Variants in NWD2 observed in about 807,000 individuals in gnomAD.
NWD2 encodes the protein NACHT and WD repeat domain containing 2.
NWD2 carries 37 observed loss-of-function variants against 132.7 expected under a neutral mutation model. That is an observed-to-expected ratio of 0.28 (90% CI 0.21 to 0.37). The LOEUF (loss-of-function observed/expected upper bound fraction) is 0.37. Ranked by LOEUF, NWD2 falls within the 10% of genes least tolerant of loss-of-function variation. The pLI, the probability that NWD2 is intolerant of heterozygous loss-of-function variation, is 1.00. For synonymous variants in NWD2, 705 were observed against 803.0 expected (o/e 0.88, Z 2.06); for missense variants, 1,592 against 2,122.4 (o/e 0.75, Z 4.91).
At chr4:37,369,759 C>T (rs1720178392) in intron 3 of NWD2, among the ~76,000 whole-genome samples, 1 of 152,134 alleles carries the variant, frequency 6.6e-6, no homozygotes, top group South Asian at 2.1e-4. Flanking sequence ...TTCTTCCCAA[C>T]TTGCAAATGC....
intron 3 of NWD2, among the ~76,000 whole-genome samples, chr4:37,417,941 A>G (rs968697767): frequency 6.6e-6 from 1 of 152,206 alleles, no homozygotes; most frequent in African/African-American, 2.4e-5. Flanking sequence ...ATATGTATAT[A>G]CAGAGGTTAG....
intron 3 of NWD2, among the ~76,000 whole-genome samples, chr4:37,379,071 ACCC>A (rs1369487221): frequency 6.6e-6 from 1 of 152,088 alleles, no homozygotes; most frequent in Non-Finnish European, 1.5e-5. Flanking sequence ...CTCCTCACTT[ACCC>A]CACTCAACTC....
chr4:37,259,470 T>C (rs1055600787), intron 1 of NWD2, among the ~76,000 whole-genome samples: 1 of 152,182 alleles, frequency 6.6e-6, no homozygotes, highest in African/African-American at 2.4e-5. Flanking sequence ...GAGGAGGTCA[T>C]GGCATGAAGT....
At chr4:37,417,726 G>T (rs1711666478) in intron 3 of NWD2, among the ~76,000 whole-genome samples, 1 of 152,104 alleles carries the variant, frequency 6.6e-6, no homozygotes, top group Non-Finnish European at 1.5e-5. Context: ...TCCTGGAATT[G>T]AACAATTAAG....
chr4:37,361,762 G>A (rs922125364), intron 3 of NWD2, among the ~76,000 whole-genome samples: 10 of 152,160 alleles, frequency 6.6e-5, no homozygotes, highest in Admixed American at 5.2e-4. Context: ...AGGACTGGAA[G>A]AACATAAGAA....
chr4:37,408,417 A>G (rs1577693909), intron 3 of NWD2, among the ~76,000 whole-genome samples: 1 of 152,222 alleles, frequency 6.6e-6, no homozygotes, highest in Non-Finnish European at 1.5e-5. Context: ...AAGCCGCTGG[A>G]AAGTTCAAAC....
chr4:37,294,135 T>A (rs115358038), intron 1 of NWD2, among the ~76,000 whole-genome samples: 2 of 151,928 alleles, frequency 1.3e-5, no homozygotes, highest in African/African-American at 4.8e-5. Context: ...AACCACAGAG[T>A]TGATGCAATA....
chr4:37,338,101 T>G (rs1374357395), intron 2 of NWD2, among the ~76,000 whole-genome samples: 1 of 152,238 alleles, frequency 6.6e-6, no homozygotes, highest in Non-Finnish European at 1.5e-5. Flanking sequence ...CTGTGGTGTT[T>G]ATGTGCTCTG....
intron 1 of NWD2, among the ~76,000 whole-genome samples, chr4:37,311,898 T>A (rs1032808414): frequency 4.0e-5 from 6 of 151,528 alleles, no homozygotes; most frequent in Non-Finnish European, 7.3e-5. Context: ...CCTTTCCCTA[T>A]TGCTTGTTTT....
chr4:37,284,698 G>C (rs955844119), intron 1 of NWD2, among the ~76,000 whole-genome samples: 1 of 152,186 alleles, frequency 6.6e-6, no homozygotes, highest in African/African-American at 2.4e-5. Context: ...GAACAGATGA[G>C]GTGCATGTAG....
chr4:37,282,631 G>T (rs1718150910), intron 1 of NWD2, among the ~76,000 whole-genome samples: 1 of 152,092 alleles, frequency 6.6e-6, no homozygotes, highest in Non-Finnish European at 1.5e-5. Context: ...TTTAGCTCCA[G>T]CTATTATGCT....
At chr4:37,292,151 G>A (rs917912003) in intron 1 of NWD2, among the ~76,000 whole-genome samples, 3 of 152,180 alleles carry the variant, frequency 2.0e-5, no homozygotes, top group East Asian at 1.9e-4. Context: ...TCCCTTAGGC[G>A]ATCCGTTGTC....
At chr4:37,402,047 A>G (rs1431555349) in intron 3 of NWD2, among the ~76,000 whole-genome samples, 1 of 152,194 alleles carries the variant, frequency 6.6e-6, no homozygotes, top group Non-Finnish European at 1.5e-5. Flanking sequence ...TTACCTTAGG[A>G]GTGAATTCGT....
chr4:37,369,732 G>A (rs1720177686), intron 3 of NWD2, among the ~76,000 whole-genome samples: 1 of 152,126 alleles, frequency 6.6e-6, no homozygotes, highest in Non-Finnish European at 1.5e-5. Context: ...GGTAGAGGGG[G>A]GGTCAAAGTA....
intron 3 of NWD2, among the ~76,000 whole-genome samples, chr4:37,421,109 T>C (rs1218020077): frequency 6.6e-6 from 1 of 152,192 alleles, no homozygotes; most frequent in African/African-American, 2.4e-5. Context: ...GCCCGGCTAA[T>C]TTGACATCTC....
intron 5 of NWD2, among the ~76,000 whole-genome samples, chr4:37,434,504 G>A (rs189469105): frequency 2.3e-4 from 35 of 152,196 alleles, no homozygotes; most frequent in East Asian, 9.7e-4. Context: ...GAACAAGATC[G>A]TATCAAAAGT....
intron 1 of NWD2, among the ~76,000 whole-genome samples, chr4:37,287,159 C>T (rs987454791): frequency 6.6e-6 from 1 of 152,198 alleles, no homozygotes; most frequent in Non-Finnish European, 1.5e-5. Context: ...AACTGTGCAA[C>T]ACGGATCCGA....
At chr4:37,270,078 G>A (rs1717835845) in intron 1 of NWD2, among the ~76,000 whole-genome samples, 1 of 151,626 alleles carries the variant, frequency 6.6e-6, no homozygotes, top group Non-Finnish European at 1.5e-5. Context: ...TACTGAAATT[G>A]GGCATCTTTT....
At chr4:37,298,568 G>C (rs918933389) in intron 1 of NWD2, among the ~76,000 whole-genome samples, 1 of 152,098 alleles carries the variant, frequency 6.6e-6, no homozygotes, top group Admixed American at 6.6e-5. Context: ...AGATGGGTAG[G>C]GTAGAGAGGT....
Sources: allele counts gnomAD v4.1 joint callset (sites outside exome capture counted in the v4.1 genomes callset), GRCh38; gene constraint gnomAD v4.1.1; transcripts MANE v1.5; gene names NCBI Gene and HGNC (gene_info 2026-07-23, HGNC 2026-07-21).